The following PTPRG variants were observed in gnomAD, a reference collection of about 807,000 sequenced individuals.
PTPRG encodes protein tyrosine phosphatase receptor type G.
In PTPRG, 102 loss-of-function variants were observed where a neutral mutation model predicts 165.3. The ratio of observed to expected loss-of-function variants is 0.62; its 90% CI spans 0.53 to 0.73. PTPRG has a LOEUF of 0.73. Among genes scored for constraint, PTPRG ranks in the 30% least tolerant of loss-of-function variants. The pLI, the probability that PTPRG is intolerant of heterozygous loss-of-function variation, is 0.00. For synonymous variants in PTPRG, 675 were observed against 669.5 expected (o/e 1.01, Z -0.13); for missense variants, 1,866 against 1,861.4 (o/e 1.00, Z -0.05).
At chr3:62,216,456 T>A (rs1700507530) in intron 12 of PTPRG, among the ~76,000 whole-genome samples, 2 of 152,090 alleles carry the variant, frequency 1.3e-5, no homozygotes, top group African/African-American at 4.8e-5. Flanking sequence ...GAGTGGATAC[T>A]GATTTTAACT....
chr3:62,060,445 G>A (rs1413631462), intron 4 of PTPRG, among the ~76,000 whole-genome samples: 2 of 152,114 alleles, frequency 1.3e-5, no homozygotes, highest in East Asian at 1.9e-4. Context: ...ATTGCACAAG[G>A]CTTCTGGAGG....
intron 14 of PTPRG, among the ~76,000 whole-genome samples, chr3:62,241,177 T>C (rs555762113): frequency 6.6e-6 from 1 of 152,320 alleles, no homozygotes; most frequent in Admixed American, 6.5e-5. Context: ...TATAATACTT[T>C]ATCAATTACT....
intron 2 of PTPRG, among the ~76,000 whole-genome samples, chr3:61,963,989 T>C (rs1327886736): frequency 6.6e-6 from 1 of 152,216 alleles, no homozygotes; most frequent in African/African-American, 2.4e-5. Flanking sequence ...GTGGATGTAA[T>C]TTAACAGTAT....
At chr3:62,183,566 TAAAA>T (rs368802810) in intron 8 of PTPRG, among the ~76,000 whole-genome samples, 4 of 128,764 alleles carry the variant, frequency 3.1e-5, no homozygotes, top group Non-Finnish European at 1.7e-5. Flanking sequence ...TCGTCTCAAT[TAAAA>T]AAAAAAAAAA....
intron 1 of PTPRG, among the ~76,000 whole-genome samples, chr3:61,730,101 G>A (rs911326696): frequency 1.3e-5 from 2 of 152,222 alleles, no homozygotes; most frequent in Non-Finnish European, 2.9e-5. Context: ...GACTGAAGGG[G>A]TTTGTGACCA....
rs115426647 is a variant in PTPRG, at chr3:61,800,632, G to T, written c.190+51650G>T. Among the ~76,000 whole-genome samples, 243 of 151,618 alleles carry T rather than the reference G, an allele frequency of 1.6e-3. 1 individual carries two copies. The highest frequency in any genetic ancestry group is 5.6e-3 in the African/African-American group (233 of 41,390). On this transcript the variant is annotated intron_variant, in intron 2 of 29. Transcript: ENST00000474889. ...TGTGGAGAAAGAAGGGTGTTCCGTGGTGGGGACAGAACTGTGCACGGTACT... is the reference window on the plus strand; with the variant it reads ...TGTGGAGAAAGAAGGGTGTTCCGTGTTGGGGACAGAACTGTGCACGGTACT...
intron 1 of PTPRG, among the ~76,000 whole-genome samples, chr3:61,694,799 C>G (rs577757997): frequency 6.6e-6 from 1 of 152,272 alleles, no homozygotes; most frequent in South Asian, 2.1e-4. Flanking sequence ...AGGCTATGTG[C>G]AGAATTTGTA....
At chr3:61,588,573 G>C (rs555550698) in intron 1 of PTPRG, among the ~76,000 whole-genome samples, 49 of 151,892 alleles carry the variant, frequency 3.2e-4, no homozygotes, top group African/African-American at 1.2e-3. Flanking sequence ...AGCCTCTGGA[G>C]CAGCTGGGAC....
At chr3:62,199,565 G>T (rs1267498876) in intron 10 of PTPRG, among the ~76,000 whole-genome samples, 1 of 152,074 alleles carries the variant, frequency 6.6e-6, no homozygotes, top group African/African-American at 2.4e-5. Flanking sequence ...CAATATTGGT[G>T]GCAAATTCTG....
chr3:62,186,548 G>A (rs1015879861), intron 8 of PTPRG, among the ~76,000 whole-genome samples: 37 of 134,680 alleles, frequency 2.7e-4, no homozygotes, highest in Non-Finnish European at 4.8e-5. Context: ...GGGTGTTGAA[G>A]CTGGATTTTT....
chr3:61,672,821 G>C (rs993496670), intron 1 of PTPRG, among the ~76,000 whole-genome samples: 1 of 151,278 alleles, frequency 6.6e-6, no homozygotes, highest in African/African-American at 2.4e-5. Flanking sequence ...GGGAGAGAGA[G>C]AGGGAGAGGG....
At chr3:62,033,094 C>T (rs1007453277) in intron 4 of PTPRG, among the ~76,000 whole-genome samples, 1 of 152,110 alleles carries the variant, frequency 6.6e-6, no homozygotes, top group Non-Finnish European at 1.5e-5. Flanking sequence ...TGACCCGGCT[C>T]CTGCCTCCCA....
intron 2 of PTPRG, among the ~76,000 whole-genome samples, chr3:61,947,258 A>G (rs2039782455): frequency 6.6e-6 from 1 of 152,200 alleles, no homozygotes; most frequent in Non-Finnish European, 1.5e-5. Context: ...CATCTGTTCA[A>G]AGTATATAAA....
At chr3:62,251,389 C>T (rs1701414889) in intron 15 of PTPRG, among the ~76,000 whole-genome samples, 1 of 152,044 alleles carries the variant, frequency 6.6e-6, no homozygotes, top group South Asian at 2.1e-4. Flanking sequence ...TGGCATGGGC[C>T]TGTAGTTTCA....
Position 61,958,970 on chromosome 3 carries a change from A to G in PTPRG, c.191-30655A>G, listed in dbSNP as rs139691771. Among the ~76,000 whole-genome samples the G allele has an allele frequency of 5.6e-4, 85 of 152,280 alleles. 3 individuals carry two copies. In the East Asian group the frequency reaches 0.011, roughly 19 times the overall value. On this transcript the variant is annotated intron_variant, in intron 2 of 29. Coordinates refer to ENST00000474889, the MANE Select transcript of PTPRG (RefSeq NM_002841.4). ...CCAGGACTCAGTGGAGAGAGGGGCC[A>G]CTTCTGGGAAAGTCCTAGGAGCCCC... is the stretch of plus-strand genomic sequence containing the variant.
At chr3:62,155,229 C>T (rs1266358157) in intron 6 of PTPRG, among the ~76,000 whole-genome samples, 1 of 152,228 alleles carries the variant, frequency 6.6e-6, no homozygotes, top group African/African-American at 2.4e-5. Context: ...GAATTGAACA[C>T]CTCTCTGAGA....
chr3:61,686,250 C>A (rs1347875192), intron 1 of PTPRG, among the ~76,000 whole-genome samples: 2 of 152,186 alleles, frequency 1.3e-5, no homozygotes, highest in Non-Finnish European at 2.9e-5. Flanking sequence ...CCCACTAAGC[C>A]TGTCAACTTA....
chr3:61,570,350 G>A (rs896001762), intron 1 of PTPRG, among the ~76,000 whole-genome samples: 3 of 151,270 alleles, frequency 2.0e-5, no homozygotes, highest in Non-Finnish European at 2.9e-5. Context: ...AGCTATTTTT[G>A]GGGAGTAGCA....
At chr3:61,939,880 G>T (rs1343641616) in intron 2 of PTPRG, among the ~76,000 whole-genome samples, 2 of 144,440 alleles carry the variant, frequency 1.4e-5, no homozygotes, top group African/African-American at 5.1e-5. Context: ...GAATTGAATG[G>T]AAAGAAGTAT....
Sources: allele counts gnomAD v4.1 joint callset (sites outside exome capture counted in the v4.1 genomes callset), GRCh38; gene constraint gnomAD v4.1.1; transcripts MANE v1.5; gene names NCBI Gene and HGNC (gene_info 2026-07-23, HGNC 2026-07-21).